The following MAML3 variants were observed in gnomAD, a reference collection of about 807,000 sequenced individuals.
MAML3 encodes mastermind like transcriptional coactivator 3.
In MAML3, 27 loss-of-function variants were observed where a neutral mutation model predicts 101.9. The observed-to-expected ratio is 0.27, with a 90% confidence interval of 0.20 to 0.37. The LOEUF is 0.37. Ranked by LOEUF, MAML3 falls within the 10% of genes least tolerant of loss-of-function variation. The pLI is 1.00. For synonymous variants in MAML3, 501 were observed against 555.9 expected, an observed-to-expected ratio of 0.90 and a Z score of 1.39; for missense variants, 1,316 against 1,444.9, an observed-to-expected ratio of 0.91 and a Z score of 1.45.
intron 1 of MAML3, among the ~76,000 whole-genome samples, chr4:140,149,241 G>A (rs765240252): frequency 6.6e-6 from 1 of 152,184 alleles, no homozygotes; most frequent in Non-Finnish European, 1.5e-5. Flanking sequence ...TGTCAATAAA[G>A]TGGTGGTGGT....
At chr4:140,092,172 G>C (rs755247857) in intron 1 of MAML3, among the ~76,000 whole-genome samples, 9 of 146,326 alleles carry the variant, frequency 6.2e-5, no homozygotes, top group Non-Finnish European at 1.2e-4. Context: ...GGAAAGATGG[G>C]AACTCAGACT....
intron 1 of MAML3, among the ~76,000 whole-genome samples, chr4:140,111,272 T>G (rs1311237930): frequency 6.6e-6 from 1 of 152,212 alleles, no homozygotes; most frequent in Non-Finnish European, 1.5e-5. Flanking sequence ...TTGATCACCT[T>G]GGGCCACCTC....
chr4:140,022,004 G>A (rs887649901), intron 1 of MAML3, among the ~76,000 whole-genome samples: 1 of 152,194 alleles, frequency 6.6e-6, no homozygotes, highest in African/African-American at 2.4e-5. Flanking sequence ...GGACACAGAA[G>A]TAGCAGAGAT....
At chr4:139,757,654 A>G (rs1008743905) in intron 2 of MAML3, among the ~76,000 whole-genome samples, 1 of 151,630 alleles carries the variant, frequency 6.6e-6, no homozygotes, top group East Asian at 1.9e-4. Context: ...AAAAAAAAAA[A>G]AAAAAAAAAG....
chr4:139,873,698 T>G (rs1732056814), intron 2 of MAML3, among the ~76,000 whole-genome samples: 1 of 152,150 alleles, frequency 6.6e-6, no homozygotes. Flanking sequence ...GGTGAGGAAC[T>G]GAGGCCTCCA....
intron 1 of MAML3, among the ~76,000 whole-genome samples, chr4:139,952,831 C>G (rs896527052): frequency 1.4e-4 from 22 of 152,168 alleles, no homozygotes; most frequent in Non-Finnish European, 3.1e-4. Context: ...AGGACTCCCC[C>G]AAATCCCCTA....
At chr4:140,121,933 C>T (rs1004778686) in intron 1 of MAML3, among the ~76,000 whole-genome samples, 5 of 152,096 alleles carry the variant, frequency 3.3e-5, no homozygotes, top group African/African-American at 4.8e-5. Context: ...AGTGAGTTCT[C>T]ACGAGATCTG....
At chr4:139,725,479 G>C (rs60319597) in intron 4 of MAML3, among the ~76,000 whole-genome samples, 8,521 of 152,180 alleles carry the variant, frequency 0.056, 813 homozygotes, top group African/African-American at 0.2. Flanking sequence ...AAGAACAGCT[G>C]TTCTAGTCCC....
intron 1 of MAML3, among the ~76,000 whole-genome samples, chr4:139,934,526 C>T (rs1172921542): frequency 2.0e-5 from 3 of 152,088 alleles, no homozygotes; most frequent in African/African-American, 7.2e-5. Context: ...AGCAGATGCT[C>T]CTGGCTGCCT....
intron 1 of MAML3, among the ~76,000 whole-genome samples, chr4:140,069,420 G>GA (rs1560883631): frequency 1.2e-3 from 32 of 26,576 alleles, no homozygotes; most frequent in African/African-American, 3.8e-3. Flanking sequence ...GGAGGAGGAG[G>GA]GGAAGGAGGA....
At chr4:140,137,272 G>C (rs548482387) in intron 1 of MAML3, among the ~76,000 whole-genome samples, 1 of 152,252 alleles carries the variant, frequency 6.6e-6, no homozygotes, top group Non-Finnish European at 1.5e-5. Flanking sequence ...ACAGGCGTGA[G>C]CCACCGCGCC....
At chr4:140,053,360 T>C (rs1345630658) in intron 1 of MAML3, among the ~76,000 whole-genome samples, 1 of 152,194 alleles carries the variant, frequency 6.6e-6, no homozygotes, top group African/African-American at 2.4e-5. Flanking sequence ...TGCTTTGGAA[T>C]GTCTCACATC....
intron 1 of MAML3, among the ~76,000 whole-genome samples, chr4:140,069,848 G>A (rs1411840477): frequency 1.3e-5 from 2 of 151,984 alleles, no homozygotes; most frequent in Non-Finnish European, 2.9e-5. Context: ...GGGCATGGTG[G>A]CTCACGCCTG....
chr4:140,068,850 T>C (rs1160117411), intron 1 of MAML3, among the ~76,000 whole-genome samples: 7 of 152,178 alleles, frequency 4.6e-5, no homozygotes, highest in African/African-American at 2.4e-5. Flanking sequence ...ATAGTAAGCA[T>C]TGAGTTAATG....
chr4:139,894,456 G>A (rs1475250302), intron 1 of MAML3, among the ~76,000 whole-genome samples: 1 of 151,644 alleles, frequency 6.6e-6, no homozygotes, highest in African/African-American at 2.4e-5. Context: ...GCTACAGTGA[G>A]CTGAGATCGT....
At position 139,788,078 on chromosome 4, in the gene MAML3, A is replaced by C. The variant is rs560706986; in HGVS notation, c.2080-57411T>G. On this transcript the variant is annotated intron_variant, in intron 2 of 4. Transcript: ENST00000509479. ...CAACAAGTTAATGAGGACAGTCCTG[A>C]AGATGAGGCACCAGAGTCCAATTCA... Among the ~76,000 whole-genome samples, 6 of 152,364 alleles carry C rather than the reference A, an allele frequency of 3.9e-5. No homozygotes were observed. The South Asian group carries it at 6.2e-4, about 16-fold the overall frequency.
chr4:140,107,597 C>T (rs1276947068), intron 1 of MAML3, among the ~76,000 whole-genome samples: 3 of 151,210 alleles, frequency 2.0e-5, no homozygotes, highest in African/African-American at 7.3e-5. Context: ...CTCCGCCTCT[C>T]GAGTTCAAGC....
chr4:139,939,656 C>CT (rs1312393881), intron 1 of MAML3, among the ~76,000 whole-genome samples: 2 of 152,000 alleles, frequency 1.3e-5, no homozygotes, highest in Non-Finnish European at 2.9e-5. Flanking sequence ...TTATTTGTGA[C>CT]TTTTTTCCAT....
At chr4:140,142,068 T>C (rs949945160) in intron 1 of MAML3, among the ~76,000 whole-genome samples, 1 of 152,204 alleles carries the variant, frequency 6.6e-6, no homozygotes, top group African/African-American at 2.4e-5. Context: ...CAATAAATTA[T>C]GAAATGGTCA....
Sources: gnomAD v4.1 joint callset for allele counts (sites outside exome capture counted in the v4.1 genomes callset) on GRCh38, gnomAD v4.1.1 for gene constraint, MANE v1.5 for transcripts, NCBI Gene and HGNC (gene_info 2026-07-23, HGNC 2026-07-21) for gene names.